HDAC4: variants seen among roughly 807,000 people sequenced by gnomAD.
HDAC4 encodes histone deacetylase 4.
Under a neutral mutation model 135.1 loss-of-function variants are expected in HDAC4, and 16 were observed. That is an observed-to-expected ratio of 0.12 (90% CI 0.08 to 0.18). HDAC4 has a LOEUF of 0.18. Among genes scored for constraint, HDAC4 ranks in the 10% least tolerant of loss-of-function variants. HDAC4 has a pLI of 1.00. For synonymous variants in HDAC4, 685 were observed against 653.4 expected (o/e 1.05, Z -0.74); for missense variants, 1,143 against 1,511.8 (o/e 0.76, Z 4.05).
rs1354662418 is a variant in HDAC4, at chr2:239,052,723, T to TGATA, written c.*370_*373dup. ...AGTTTGTTTTGTATTATTAGATCTT[T>TGATA]GATATTTGTTTTCTGTGCCTCGTGT... On this transcript the variant is annotated 3_prime_UTR_variant, in exon 27 of 27. Transcript: ENST00000543185. 1 of 306,396 alleles carries TGATA rather than the reference T, an allele frequency of 3.3e-6. No homozygotes were observed. Among genetic ancestry groups the TGATA allele is most frequent in the African/African-American group, 2.1e-5 (1 of 47,144 alleles). The allele number at this position is 306,396 out of a possible 1,614,324, so 19.0% of individuals were successfully genotyped here.
At chr2:239,109,771 AGTGT>A (rs895136679) in intron 14 of HDAC4, among the ~76,000 whole-genome samples, 2 of 152,212 alleles carry the variant, frequency 1.3e-5, no homozygotes, top group Admixed American at 6.5e-5. Context: ...GAAATACGTA[AGTGT>A]GTGTGCAGAA....
intron 12 of HDAC4, among the ~76,000 whole-genome samples, chr2:239,123,868 T>TC (rs1173570629): frequency 6.6e-6 from 1 of 152,128 alleles, no homozygotes. Flanking sequence ...CCAACTCCTG[T>TC]CTACGTGTGC....
chr2:239,287,870 A>T (rs1372677428), intron 2 of HDAC4, among the ~76,000 whole-genome samples: 1 of 152,160 alleles, frequency 6.6e-6, no homozygotes, highest in Non-Finnish European at 1.5e-5. Context: ...ATTAAGTAGG[A>T]CTCCTAAAAA....
intron 2 of HDAC4, among the ~76,000 whole-genome samples, chr2:239,317,398 C>T (rs2053155224): frequency 1.3e-5 from 2 of 151,890 alleles, no homozygotes; most frequent in South Asian, 4.2e-4. Context: ...TAGCATTCCC[C>T]GAGAAAGGAA....
At chr2:239,318,222 G>A (rs2053184483) in intron 2 of HDAC4, among the ~76,000 whole-genome samples, 2 of 152,212 alleles carry the variant, frequency 1.3e-5, no homozygotes, top group Admixed American at 1.3e-4. Context: ...ACACCCGCCA[G>A]CATCACCTTC....
At chr2:239,236,717 A>T in intron 2 of HDAC4, 53 bp from the exon 3 acceptor site, 1 of 1,365,482 alleles carries the variant, frequency 7.3e-7, no homozygotes, top group Middle Eastern at 1.8e-4. Context: ...TTCAGCCAAC[A>T]TACTTTATGC....
intron 24 of HDAC4, among the ~76,000 whole-genome samples, chr2:239,063,570 C>A (rs2033088198): frequency 6.6e-6 from 1 of 152,174 alleles, no homozygotes; most frequent in African/African-American, 2.4e-5. Flanking sequence ...TATGCGCCCA[C>A]CCCTCAGAAG....
At chr2:239,181,417 G>A (rs2153016381) in intron 4 of HDAC4, among the ~76,000 whole-genome samples, 1 of 152,356 alleles carries the variant, frequency 6.6e-6, no homozygotes, top group Admixed American at 6.5e-5. Context: ...AGGGAGAGGG[G>A]GCACCCACCA....
chr2:239,270,445 G>A (rs1420503812), intron 2 of HDAC4, among the ~76,000 whole-genome samples: 10 of 152,128 alleles, frequency 6.6e-5, no homozygotes, highest in Non-Finnish European at 2.9e-5. Context: ...TGAAGCAGGC[G>A]ATAGAGAAAA....
At chr2:239,172,305 T>A (rs373301674) in intron 5 of HDAC4, among the ~76,000 whole-genome samples, 2,417 of 126,138 alleles carry the variant, frequency 0.019, 34 homozygotes, top group African/African-American at 0.03. Context: ...TATATATATA[T>A]ATATATATAT....
intron 1 of HDAC4, among the ~76,000 whole-genome samples, chr2:239,354,987 G>A (rs1419198223): frequency 6.6e-6 from 1 of 152,112 alleles, no homozygotes; most frequent in African/African-American, 2.4e-5. Context: ...ACATTGTAGG[G>A]AAGTTTAAGT....
intron 2 of HDAC4, among the ~76,000 whole-genome samples, chr2:239,241,250 T>C (rs955605729): frequency 6.6e-6 from 1 of 152,088 alleles, no homozygotes; most frequent in Non-Finnish European, 1.5e-5. Context: ...ACGCACAGGC[T>C]CCTGAACTGG....
intron 2 of HDAC4, among the ~76,000 whole-genome samples, chr2:239,242,247 A>T (rs1427273435): frequency 2.7e-5 from 1 of 36,684 alleles, no homozygotes; most frequent in Admixed American, 4.0e-4. Flanking sequence ...GGAGGGAGGG[A>T]GGGAGGGAGG....
chr2:239,389,617 G>A (rs1372727931), intron 1 of HDAC4, among the ~76,000 whole-genome samples: 1 of 152,128 alleles, frequency 6.6e-6, no homozygotes, highest in Non-Finnish European at 1.5e-5. Context: ...ATTCTGAGGC[G>A]AGGTCCGCAG....
In HDAC4 at chr2:239,115,164, G is replaced by A. The variant is rs140175520; in HGVS notation, c.1680C>T (p.Gly560=). The A allele has an allele frequency of 3.1e-6, 5 of 1,610,970 alleles. No homozygotes were observed. Among genetic ancestry groups the A allele is most frequent in the Admixed American group, 1.7e-5 (1 of 60,010 alleles). ...PGQKEAHAQA[G]VQVKQEPIES... is the part of the protein sequence containing the mutation. The stretch of plus-strand genomic sequence containing the variant: ...CAATGGGCTCCTGCTTCACCTGCAC[G>A]CCGGCCTGTGCGTGCGCCTCCTTCT... Residue 560 remains glycine (G), a synonymous_variant, in exon 13 of 27, where the codon GGC becomes GGT. Coordinates refer to ENST00000543185, the MANE Select transcript of HDAC4 (RefSeq NM_001378414.1). The surrounding 1 kb of genome is among the most constrained non-coding windows in gnomAD (Gnocchi z 6.3).
intron 16 of HDAC4, among the ~76,000 whole-genome samples, chr2:239,098,601 G>A (rs3791390): frequency 0.19 from 29,054 of 152,222 alleles, 3,135 homozygotes; most frequent in East Asian, 0.31. Context: ...TCAGGCCCAC[G>A]AGCCAATTCA....
intron 22 of HDAC4, among the ~76,000 whole-genome samples, chr2:239,070,453 GTGCTATGAATCCATGCGTA>G (rs1351888770): frequency 6.6e-6 from 1 of 152,244 alleles, no homozygotes; most frequent in Admixed American, 6.5e-5. Flanking sequence ...TTATCAGTGT[GTGCTATGAATCCATGCGTA>G]TGCTATGAAT....
intron 9 of HDAC4, among the ~76,000 whole-genome samples, chr2:239,136,097 T>C (rs1367150280): frequency 2.0e-5 from 3 of 152,222 alleles, no homozygotes; most frequent in Non-Finnish European, 2.9e-5. Flanking sequence ...TCAAGGAATG[T>C]CTGCTGAATG....
chr2:239,213,962 T>C (rs992865772), intron 3 of HDAC4, among the ~76,000 whole-genome samples: 1 of 152,256 alleles, frequency 6.6e-6, no homozygotes, highest in African/African-American at 2.4e-5. Context: ...GAAATCTGCC[T>C]AGGTCACATG....
Sources: gnomAD v4.1 joint callset for allele counts (sites outside exome capture counted in the v4.1 genomes callset) on GRCh38, gnomAD v4.1.1 for gene constraint, Gnocchi (gnomAD v3.1) non-coding constraint, MANE v1.5 for transcripts, NCBI Gene and HGNC (gene_info 2026-07-23, HGNC 2026-07-21) for gene names.